Variants in ADAMTSL1 observed in about 807,000 individuals in gnomAD.
ADAMTSL1 encodes ADAMTS-like protein 1.
A neutral mutation model predicts 201.8 loss-of-function variants in ADAMTSL1; 126 were observed. The observed-to-expected ratio is 0.62, with a 90% CI of 0.54 to 0.72. ADAMTSL1 has a LOEUF of 0.72. Ranked by LOEUF, ADAMTSL1 falls within the 30% of genes least tolerant of loss-of-function variation. ADAMTSL1 has a pLI of 0.00. For missense variants in ADAMTSL1, 2,679 were observed against 2,277.8 expected (o/e 1.18, Z -3.59); for synonymous variants, 1,121 against 903.4 (o/e 1.24, Z -4.32).
intron 2 of ADAMTSL1, among the ~76,000 whole-genome samples, chr9:18,448,130 C>A (rs1820268886): frequency 6.6e-6 from 1 of 152,072 alleles, no homozygotes; most frequent in South Asian, 2.1e-4. Flanking sequence ...GTAATAAATT[C>A]TTTTATACAC....
At chr9:18,845,798 A>G (rs1372386251) in intron 23 of ADAMTSL1, among the ~76,000 whole-genome samples, 1 of 152,228 alleles carries the variant, frequency 6.6e-6, no homozygotes, top group African/African-American at 2.4e-5. Context: ...CTGGGACAAT[A>G]TAATATAATA....
intron 9 of ADAMTSL1, among the ~76,000 whole-genome samples, chr9:18,670,140 C>T (rs533360543): frequency 5.9e-5 from 9 of 152,318 alleles, no homozygotes; most frequent in Admixed American, 5.2e-4. Context: ...TTCTACTACA[C>T]ACAATTTTGT....
At chr9:18,622,915 A>T (rs1826124681) in intron 5 of ADAMTSL1, among the ~76,000 whole-genome samples, 1 of 152,004 alleles carries the variant, frequency 6.6e-6, no homozygotes, top group Admixed American at 6.6e-5. Flanking sequence ...TTTGTTTTTG[A>T]CTGAGTCTCT....
intron 1 of ADAMTSL1, among the ~76,000 whole-genome samples, chr9:18,052,595 G>A (rs1586952484): frequency 6.6e-6 from 1 of 152,178 alleles, no homozygotes; most frequent in Admixed American, 6.5e-5. Context: ...TGCCTCAGTA[G>A]CCTCAGTTGA....
intron 1 of ADAMTSL1, among the ~76,000 whole-genome samples, chr9:18,125,406 G>T (rs1422376466): frequency 6.6e-6 from 1 of 152,074 alleles, no homozygotes; most frequent in Non-Finnish European, 1.5e-5. Flanking sequence ...TAAGATTTGG[G>T]TAGGGACACA....
At position 18,803,811 on chromosome 9, in the gene ADAMTSL1, A is replaced by G. The variant is rs117944637; in HGVS notation, c.3805+8287A>G. Among the ~76,000 whole-genome samples the G allele has an allele frequency of 2.6e-4, 40 of 152,236 alleles. 1 individual carries two copies. In the East Asian group the frequency reaches 7.3e-3, roughly 28 times the overall value. On this transcript the variant is annotated intron_variant, in intron 20 of 28. Transcript: ENST00000380548. ...CCCTGGTTTGTATTTCATTTTCTAT[A>G]TTATCTGCTCATATATTACACCTCA...
At chr9:18,708,323 C>G (rs962093706) in intron 14 of ADAMTSL1, among the ~76,000 whole-genome samples, 1 of 152,134 alleles carries the variant, frequency 6.6e-6, no homozygotes, top group African/African-American at 2.4e-5. Context: ...TAGTGCTGAC[C>G]TTGAGGTTCT....
intron 1 of ADAMTSL1, among the ~76,000 whole-genome samples, chr9:18,055,559 GTGA>G (rs1175315641): frequency 6.6e-6 from 1 of 152,214 alleles, no homozygotes; most frequent in Non-Finnish European, 1.5e-5. Flanking sequence ...ATAGACCAAA[GTGA>G]TGTTTGCTTT....
intron 3 of ADAMTSL1, among the ~76,000 whole-genome samples, chr9:18,560,625 G>A (rs1468540809): frequency 1.3e-5 from 2 of 150,118 alleles, no homozygotes; most frequent in East Asian, 3.9e-4. Flanking sequence ...ATTCGGCTGT[G>A]GTCTGGTCCT....
In ADAMTSL1 at chr9:18,777,160, G is replaced by C; in HGVS notation, c.2931G>C (p.Glu977Asp). The C allele has an allele frequency of 6.2e-7, 1 of 1,612,984 alleles. No individual in the cohort carries two copies. Among genetic ancestry groups the C allele is most frequent in the South Asian group, 1.1e-5 (1 of 91,078 alleles). The change falls in exon 19 of 29, where the codon GAG (glutamate) becomes GAC (aspartate). Residue 977 changes from glutamate (E) to aspartate (D), a missense_variant. Coordinates refer to ENST00000380548, the MANE Select transcript of ADAMTSL1 (RefSeq NM_001040272.6). The part of the protein sequence containing the change: ...LVARPLSPRS[E>D]EEVLAGRKGG... ...CCCGGCCCTTGAGCCCGAGAAGTGA[G>C]GAAGAGGTGCTTGCGGGGAGGAAGG...
intron 1 of ADAMTSL1, among the ~76,000 whole-genome samples, chr9:18,031,831 G>A (rs1176448521): frequency 2.6e-5 from 4 of 152,224 alleles, no homozygotes; most frequent in Non-Finnish European, 5.9e-5. Flanking sequence ...GGTCCTCTGA[G>A]CTTGGCAGGG....
At chr9:18,729,484 G>A (rs980925092) in intron 15 of ADAMTSL1, among the ~76,000 whole-genome samples, 10 of 152,206 alleles carry the variant, frequency 6.6e-5, no homozygotes, top group African/African-American at 2.4e-4. Flanking sequence ...AGGCAGCAAG[G>A]ATGGCTCAAC....
intron 2 of ADAMTSL1, among the ~76,000 whole-genome samples, chr9:18,214,228 T>G (rs777067210): frequency 3.3e-5 from 5 of 152,228 alleles, no homozygotes; most frequent in Admixed American, 1.3e-4. Flanking sequence ...TTAGAAAATA[T>G]ATTTTAAAAG....
At chr9:18,821,461 G>A (rs1179542663) in intron 21 of ADAMTSL1, among the ~76,000 whole-genome samples, 2 of 152,142 alleles carry the variant, frequency 1.3e-5, no homozygotes, top group Non-Finnish European at 2.9e-5. Context: ...TAAGGGCCAC[G>A]CCTGGAAGGA....
chr9:18,381,790 A>C (rs571392280), intron 2 of ADAMTSL1, among the ~76,000 whole-genome samples: 3 of 151,522 alleles, frequency 2.0e-5, no homozygotes, highest in Admixed American at 2.0e-4. Context: ...GAGAGGGGGG[A>C]TTAGACTTTG....
At chr9:18,716,222 C>A (rs906230606) in intron 14 of ADAMTSL1, among the ~76,000 whole-genome samples, 1 of 151,970 alleles carries the variant, frequency 6.6e-6, no homozygotes, top group Non-Finnish European at 1.5e-5. Context: ...GCAACAAAAG[C>A]CAGAATTGAC....
chr9:18,086,161 C>A (rs1396853393), intron 1 of ADAMTSL1, among the ~76,000 whole-genome samples: 2 of 151,966 alleles, frequency 1.3e-5, no homozygotes, highest in Non-Finnish European at 2.9e-5. Flanking sequence ...TTTGAAGTGC[C>A]TATTGGTCAT....
intron 2 of ADAMTSL1, among the ~76,000 whole-genome samples, chr9:18,231,401 A>T (rs1192886428): frequency 1.3e-5 from 2 of 152,190 alleles, no homozygotes; most frequent in African/African-American, 4.8e-5. Context: ...TACGACCTAG[A>T]GTCAGCACTT....
At chr9:17,991,580 C>G (rs951174626) in intron 1 of ADAMTSL1, among the ~76,000 whole-genome samples, 1 of 152,046 alleles carries the variant, frequency 6.6e-6, no homozygotes, top group African/African-American at 2.4e-5. Context: ...CTTTCAGATT[C>G]CTTCTCTGGA....
Sources: gnomAD v4.1 joint callset for allele counts (sites outside exome capture counted in the v4.1 genomes callset) on GRCh38, gnomAD v4.1.1 for gene constraint, MANE v1.5 for transcripts, NCBI Gene and HGNC (gene_info 2026-07-23, HGNC 2026-07-21) for gene names.